Variants in OSBPL9 observed in about 807,000 individuals in gnomAD.
OSBPL9 encodes oxysterol binding protein like 9.
A neutral mutation model predicts 106.6 loss-of-function variants in OSBPL9; 40 were observed. That is an observed-to-expected ratio of 0.38 (90% confidence interval 0.29 to 0.49). The LOEUF (loss-of-function observed/expected upper bound fraction) is 0.49. Among genes scored for constraint, OSBPL9 ranks in the 20% least tolerant of loss-of-function variants. The pLI is 0.97. For synonymous variants in OSBPL9, 269 were observed against 295.4 expected (o/e 0.91, Z 0.92); for missense variants, 609 against 887.2 (o/e 0.69, Z 3.98).
chr1:51,732,236 C>CA lies in OSBPL9; in HGVS notation c.319-13298dup, dbSNP rs1664618333. Among the ~76,000 whole-genome samples, 5 of 152,238 alleles carry CA rather than the reference C, an allele frequency of 3.3e-5. No individual in the cohort carries two copies. The South Asian group carries it at 1.0e-3, about 32-fold the overall frequency. ...TGTTGATTAAGAAAGGGGACGATGA[C>CA]AAGAAAATCTGATAATCAGGCTTTT... On this transcript the variant is annotated intron_variant, in intron 4 of 23. Coordinates refer to ENST00000428468, the MANE Select transcript of OSBPL9 (RefSeq NM_024586.6).
At chr1:51,760,628 G>A in intron 9 of OSBPL9, 62 bp from the exon 10 acceptor site, 2 of 1,606,540 alleles carry the variant, frequency 1.2e-6, no homozygotes, top group Non-Finnish European at 1.7e-6. Context: ...GTGGGCATTT[G>A]GGAGGGTAGC....
rs779346051 is a variant in OSBPL9 at position 51,772,668 on chromosome 1, A to G, written c.1115A>G (p.Lys372Arg). 1.9e-6 allele frequency: 3 copies of G among 1,614,218 alleles called. No individual in the cohort carries two copies. The highest frequency in any genetic ancestry group is 2.2e-5 in the East Asian group (1 of 44,888). ...GAGGCAGGGTCTGTGGAGGAGCACA[A>G]GAGCGTTATCATGCATCTCTTGTCG... ...DAEAGSVEEHKSVIMHLLSQV... is the reference protein window; with the variant it reads ...DAEAGSVEEHRSVIMHLLSQV... The change falls in exon 14 of 24, where the codon AAG (lysine) becomes AGG (arginine). Residue 372 changes from lysine to arginine, a missense_variant. Around this residue, in one of 5 missense-constraint regions of OSBPL9, gnomAD observed 356 missense variants for 505.8 expected, o/e 0.70. Transcript: ENST00000428468.
At chr1:51,564,046 T>TC in the OSBPL9 span, among the ~76,000 whole-genome samples, 1 of 1,500 alleles carries the variant, frequency 6.7e-4, no homozygotes, top group Non-Finnish European at 2.6e-3. Context: ...CAGAGCGAGA[T>TC]CATCTCAAAA....
At chr1:51,741,059 T>A (rs1252858975) in intron 4 of OSBPL9, among the ~76,000 whole-genome samples, 2 of 152,244 alleles carry the variant, frequency 1.3e-5, no homozygotes, top group Admixed American at 1.3e-4. Flanking sequence ...AAATAGTGTT[T>A]AATGTCCCAA....
chr1:51,779,399 C>T (rs1300984824), intron 15 of OSBPL9, among the ~76,000 whole-genome samples: 5 of 152,186 alleles, frequency 3.3e-5, no homozygotes, highest in Non-Finnish European at 7.3e-5. Context: ...CAAAAATCAA[C>T]TCAACATATA....
chr1:51,574,605 C>A (rs761833375), upstream of OSBPL9, among the ~76,000 whole-genome samples: 2 of 151,330 alleles, frequency 1.3e-5, no homozygotes, highest in Non-Finnish European at 2.9e-5. Context: ...TGCGACAGAG[C>A]GAGACTCTGT....
intron 4 of OSBPL9, 71 bp from the exon 5 acceptor site, chr1:51,745,465 G>A (rs1667784898): frequency 5.8e-6 from 9 of 1,553,912 alleles, no homozygotes; most frequent in Admixed American, 4.0e-5. Flanking sequence ...TGTATGAAGG[G>A]AAAAGTATTT....
At chr1:51,583,160 G>A (rs1450766922) in intron 1 of OSBPL9, among the ~76,000 whole-genome samples, 4 of 151,998 alleles carry the variant, frequency 2.6e-5, no homozygotes, top group East Asian at 1.9e-4. Flanking sequence ...AAAATTAAAC[G>A]TAGTAGGGTG....
intron 12 of OSBPL9, among the ~76,000 whole-genome samples, chr1:51,771,631 TG>T (rs1196845369): frequency 5.3e-5 from 8 of 152,310 alleles, no homozygotes; most frequent in African/African-American, 9.6e-5. Context: ...ATAAATAAGA[TG>T]TTTTTTTATT....
chr1:51,663,033 C>T (rs1002495730), intron 2 of OSBPL9, among the ~76,000 whole-genome samples: 6 of 152,082 alleles, frequency 3.9e-5, no homozygotes, highest in South Asian at 2.1e-4. Flanking sequence ...CATGAGCCAC[C>T]GCACCTGGCC....
chr1:51,562,978 G>C, the OSBPL9 span, among the ~76,000 whole-genome samples: 48 of 152,230 alleles, frequency 3.2e-4, no homozygotes, highest in African/African-American at 1.1e-3. Flanking sequence ...GGAGGCAAAG[G>C]CAGGCGGATC....
chr1:51,684,855 G>T (rs1653398486), intron 3 of OSBPL9, among the ~76,000 whole-genome samples: 1 of 151,356 alleles, frequency 6.6e-6, no homozygotes, highest in Non-Finnish European at 1.5e-5. Flanking sequence ...TTTTAAAAAA[G>T]AATGTTTGAA....
At chr1:51,662,617 A>G (rs567938403) in intron 2 of OSBPL9, among the ~76,000 whole-genome samples, 184 of 152,298 alleles carry the variant, frequency 1.2e-3, no homozygotes, top group African/African-American at 4.3e-3. Flanking sequence ...TAATAAGACT[A>G]TTATTCACAG....
Position 51,652,919 on chromosome 1 carries a change from G to A in OSBPL9, c.162+878G>A, listed in dbSNP as rs558232083. On this transcript the variant is annotated intron_variant, in intron 2 of 23. Transcript: ENST00000428468. ...TCAGCTTCTAGGAACCTTTTCTTCA[G>A]GACCCTGTTGACTTCTTTCTTCCAC... is the stretch of plus-strand genomic sequence containing the variant. Among the ~76,000 whole-genome samples the A allele has an allele frequency of 6.6e-5, 10 of 152,292 alleles. No homozygotes were observed. In the South Asian group the frequency reaches 2.1e-3, roughly 32 times the overall value.
At chr1:51,722,880 C>T (rs1662404679) in intron 4 of OSBPL9, among the ~76,000 whole-genome samples, 1 of 152,234 alleles carries the variant, frequency 6.6e-6, no homozygotes, top group Admixed American at 6.5e-5. Flanking sequence ...TATCCTGTTT[C>T]CAAGAGTTGT....
chr1:51,519,279 G>A, the OSBPL9 span: 6 of 1,172,744 alleles, frequency 5.1e-6, no homozygotes, highest in South Asian at 3.2e-5. Flanking sequence ...GCTGACTGGG[G>A]CTCGGGGCGG....
At chr1:51,779,553 C>T (rs1675830501) in intron 15 of OSBPL9, among the ~76,000 whole-genome samples, 1 of 152,120 alleles carries the variant, frequency 6.6e-6, no homozygotes, top group Non-Finnish European at 1.5e-5. Flanking sequence ...GGAACTTAGT[C>T]AAATTAAAAA....
chr1:51,763,645 T>G (rs1439314863), intron 11 of OSBPL9, among the ~76,000 whole-genome samples: 1 of 152,210 alleles, frequency 6.6e-6, no homozygotes, highest in Non-Finnish European at 1.5e-5. Context: ...ACTTTGATCT[T>G]TACTATTTAA....
chr1:51,734,438 G>A (rs776061342), intron 4 of OSBPL9, among the ~76,000 whole-genome samples: 34 of 152,174 alleles, frequency 2.2e-4, no homozygotes, highest in Non-Finnish European at 4.3e-4. Context: ...TTGTCATACC[G>A]TGGAGGACTT....
Sources: allele counts gnomAD v4.1 joint callset (sites outside exome capture counted in the v4.1 genomes callset), GRCh38; gene constraint gnomAD v4.1.1; regional missense constraint gnomAD v4.1.1; transcripts MANE v1.5; gene names NCBI Gene and HGNC (gene_info 2026-07-23, HGNC 2026-07-21).